Variants in GLIS3 observed in about 807,000 individuals in gnomAD.
GLIS3 encodes zinc finger protein GLIS3.
Under a neutral mutation model 78.6 loss-of-function variants are expected in GLIS3, and 53 were observed. The ratio of observed to expected loss-of-function variants is 0.67; its 90% confidence interval spans 0.54 to 0.85. The LOEUF is 0.85. GLIS3 is among the 40% of genes least tolerant of loss of function. The pLI is 0.00. For synonymous variants in GLIS3, 684 were observed against 509.9 expected, an observed-to-expected ratio of 1.34 and a Z score of -4.60; for missense variants, 1,703 against 1,231.1, an observed-to-expected ratio of 1.38 and a Z score of -5.74.
At chr9:4,168,555 C>G (rs1816089102) in intron 2 of GLIS3, among the ~76,000 whole-genome samples, 1 of 152,120 alleles carries the variant, frequency 6.6e-6, no homozygotes, top group South Asian at 2.1e-4. Context: ...TAGTTCATGT[C>G]TACTAAATTA....
chr9:4,118,944 C>T lies in GLIS3; in HGVS notation c.597-63G>A. 1 of 1,528,954 alleles carries T rather than the reference C, an allele frequency of 6.5e-7. No homozygotes were observed. The highest frequency in any genetic ancestry group is 8.8e-7 in the Non-Finnish European group (1 of 1,131,714). The allele number at this position is 1,528,954 out of a possible 1,614,324, so 94.7% of individuals were successfully genotyped here. On this transcript the variant is annotated intron_variant, in intron 3 of 10. Transcript: ENST00000381971. This position sits in a 1 kb window ranked among gnomAD's most constrained non-coding sequence, Gnocchi z 4.7. ...AAACATTTTAGCAGGATACGGATTG[C>T]TTAAGAGCTAAAAGAACACTGCATT...
chr9:4,463,613 G>A, the GLIS3 span, among the ~76,000 whole-genome samples: 51 of 152,290 alleles, frequency 3.3e-4, no homozygotes, highest in East Asian at 6.6e-3. Context: ...GCTGTTTTAG[G>A]AGAATACACT....
intron 2 of GLIS3, among the ~76,000 whole-genome samples, chr9:4,224,691 C>T (rs989871497): frequency 2.0e-5 from 3 of 151,498 alleles, no homozygotes; most frequent in Non-Finnish European, 2.9e-5. Context: ...TTCTCCTATT[C>T]CCCCACTTAC....
At chr9:4,084,601 C>T (rs1264273052) in intron 4 of GLIS3, among the ~76,000 whole-genome samples, 3 of 151,926 alleles carry the variant, frequency 2.0e-5, no homozygotes, top group South Asian at 2.1e-4. Flanking sequence ...GCTGAGCAGC[C>T]GAAGGATGGT....
intron 2 of GLIS3, among the ~76,000 whole-genome samples, chr9:4,142,653 T>G (rs1041806519): frequency 6.6e-6 from 1 of 152,180 alleles, no homozygotes; most frequent in African/African-American, 2.4e-5. Context: ...AAATAAAATA[T>G]TATAATAAAT....
intron 2 of GLIS3, among the ~76,000 whole-genome samples, chr9:4,157,835 T>G (rs1282088100): frequency 6.6e-6 from 1 of 152,340 alleles, no homozygotes; most frequent in East Asian, 1.9e-4. Flanking sequence ...AGCCTTTATG[T>G]GCAGTTAATT....
chr9:4,204,856 G>C (rs1819723290), intron 2 of GLIS3, among the ~76,000 whole-genome samples: 1 of 151,752 alleles, frequency 6.6e-6, no homozygotes, highest in Non-Finnish European at 1.5e-5. Context: ...GGAGGTTGCA[G>C]CGTGCCAAGA....
intron 4 of GLIS3, among the ~76,000 whole-genome samples, chr9:3,998,880 T>C (rs941630413): frequency 4.6e-5 from 7 of 151,708 alleles, no homozygotes; most frequent in Non-Finnish European, 8.8e-5. Context: ...TTCAATACAA[T>C]TACCACTGAC....
chr9:4,031,352 T>C (rs1588492211), intron 4 of GLIS3, among the ~76,000 whole-genome samples: 1 of 152,308 alleles, frequency 6.6e-6, no homozygotes, highest in African/African-American at 2.4e-5. Flanking sequence ...TGGATGAACC[T>C]TGAATACATG....
intron 2 of GLIS3, among the ~76,000 whole-genome samples, chr9:4,318,603 G>T (rs1268032043): frequency 6.6e-6 from 1 of 152,138 alleles, no homozygotes; most frequent in African/African-American, 2.4e-5. Flanking sequence ...GCAGCAAAAA[G>T]AGTCCAGATG....
intron 2 of GLIS3, among the ~76,000 whole-genome samples, chr9:4,278,758 T>C (rs187811046): frequency 3.3e-5 from 5 of 152,366 alleles, no homozygotes; most frequent in Admixed American, 2.6e-4. Flanking sequence ...AGGTTACTTA[T>C]ACATTTTGAA....
At chr9:4,150,310 C>G (rs934197077) in intron 2 of GLIS3, among the ~76,000 whole-genome samples, 2 of 152,234 alleles carry the variant, frequency 1.3e-5, no homozygotes, top group African/African-American at 2.4e-5. Flanking sequence ...CAGCCACTGA[C>G]TGTCCTCTGC....
chr9:4,407,349 A>T, the GLIS3 span, among the ~76,000 whole-genome samples: 1 of 152,232 alleles, frequency 6.6e-6, no homozygotes, highest in Non-Finnish European at 1.5e-5. Context: ...ACTGCAAGAA[A>T]ACACTGGAAA....
intron 2 of GLIS3, among the ~76,000 whole-genome samples, chr9:4,233,634 C>G (rs1416401949): frequency 6.6e-6 from 1 of 152,182 alleles, no homozygotes; most frequent in African/African-American, 2.4e-5. Flanking sequence ...CTTAAAGGCC[C>G]TAGGATTTTC....
chr9:4,205,678 C>T (rs1819812075), intron 2 of GLIS3, among the ~76,000 whole-genome samples: 1 of 152,172 alleles, frequency 6.6e-6, no homozygotes, highest in Non-Finnish European at 1.5e-5. Flanking sequence ...TGGATCAAAC[C>T]TCACCTAAGG....
the GLIS3 span, among the ~76,000 whole-genome samples, chr9:4,445,132 G>A: frequency 2.0e-5 from 3 of 152,198 alleles, no homozygotes; most frequent in South Asian, 4.1e-4. Context: ...AGGTGTGGGA[G>A]AGAAGGCACA....
intron 2 of GLIS3, among the ~76,000 whole-genome samples, chr9:4,237,389 G>T (rs1391578091): frequency 6.6e-6 from 1 of 152,056 alleles, no homozygotes; most frequent in Non-Finnish European, 1.5e-5. Context: ...TCAGAATGTA[G>T]AATTAAGTCT....
chr9:4,097,801 G>A (rs1400153688), intron 4 of GLIS3, among the ~76,000 whole-genome samples: 1 of 152,054 alleles, frequency 6.6e-6, no homozygotes, highest in African/African-American at 2.4e-5. Flanking sequence ...CCCCAAAGGT[G>A]CCAGATTTGC....
chr9:3,981,594 A>T lies in GLIS3; in HGVS notation c.1711-44405T>A, dbSNP rs143185984. On this transcript the variant is annotated intron_variant, in intron 4 of 10. Transcript: ENST00000381971. ...AGAGGACAGGAACCCTGTCTTACTG[A>T]GAATGTCCCATGCCAAACACAGCAC... Among the ~76,000 whole-genome samples the T allele has an allele frequency of 5.3e-5, 8 of 152,278 alleles. No individual in the cohort carries two copies. In the East Asian group the frequency reaches 1.5e-3, roughly 29 times the overall value.
Sources: gnomAD v4.1 joint callset for allele counts (sites outside exome capture counted in the v4.1 genomes callset) on GRCh38, gnomAD v4.1.1 for gene constraint, Gnocchi (gnomAD v3.1) non-coding constraint, MANE v1.5 for transcripts, NCBI Gene and HGNC (gene_info 2026-07-23, HGNC 2026-07-21) for gene names.